The following NRXN2 variants were observed in gnomAD, a reference collection of about 807,000 sequenced individuals.
The protein encoded by NRXN2 is neurexin 2, also known as neurexin-2-beta.
A neutral mutation model predicts 128.8 loss-of-function variants in NRXN2; 29 were observed. The observed-to-expected ratio is 0.23, with a 90% CI of 0.17 to 0.31. The LOEUF (loss-of-function observed/expected upper bound fraction) is 0.31. NRXN2 is among the 10% of genes least tolerant of loss of function. The pLI, the probability that NRXN2 is intolerant of heterozygous loss-of-function variation, is 1.00. For synonymous variants in NRXN2, 1,098 were observed against 1,075.2 expected, an observed-to-expected ratio of 1.02 and a Z score of -0.41; for missense variants, 1,881 against 2,452.6, an observed-to-expected ratio of 0.77 and a Z score of 4.92.
At chr11:64,614,580 C>A (rs879851508) in intron 22 of NRXN2, among the ~76,000 whole-genome samples, 1 of 152,246 alleles carries the variant, frequency 6.6e-6, no homozygotes, top group Non-Finnish European at 1.5e-5. Flanking sequence ...AGAGCAGAAT[C>A]TCTCCCAGGG....
chr11:64,620,662 C>A (rs2042197663), intron 21 of NRXN2, among the ~76,000 whole-genome samples: 1 of 149,806 alleles, frequency 6.7e-6, no homozygotes, highest in Admixed American at 6.7e-5. Context: ...AGAGTGGACG[C>A]CAGACTTTGA....
At chr11:64,619,540 G>A (rs2042010933) in intron 22 of NRXN2, among the ~76,000 whole-genome samples, 1 of 152,044 alleles carries the variant, frequency 6.6e-6, no homozygotes, top group African/African-American at 2.4e-5. Context: ...GTATCAAGCA[G>A]AGGCCTAGAA....
At chr11:64,663,558 C>T (rs1219009009) in intron 9 of NRXN2, among the ~76,000 whole-genome samples, 1 of 152,174 alleles carries the variant, frequency 6.6e-6, no homozygotes, top group Non-Finnish European at 1.5e-5. Flanking sequence ...ATTACCCACA[C>T]CTCTATTTAT....
intron 7 of NRXN2, among the ~76,000 whole-genome samples, chr11:64,674,682 T>C (rs1241409844): frequency 6.6e-6 from 1 of 152,144 alleles, no homozygotes. Context: ...GGTAATAGGA[T>C]CTCCAGTGGG....
chr11:64,658,651 A>G (rs1034201669), intron 11 of NRXN2, among the ~76,000 whole-genome samples: 3 of 152,252 alleles, frequency 2.0e-5, no homozygotes, highest in African/African-American at 7.2e-5. Flanking sequence ...TTACAAGGCA[A>G]TGGGTTCCCC....
intron 1 of NRXN2, among the ~76,000 whole-genome samples, chr11:64,721,297 C>T (rs909718265): frequency 1.3e-5 from 2 of 151,822 alleles, no homozygotes; most frequent in Non-Finnish European, 2.9e-5. Flanking sequence ...ACCAGCCACT[C>T]GCGCACCCAG....
chr11:64,652,440 C>A lies in NRXN2; in HGVS notation c.2417-286G>T, dbSNP rs548415086. Among the ~76,000 whole-genome samples the A allele has an allele frequency of 1.1e-4, 17 of 152,238 alleles. No individual in the cohort carries two copies. In the South Asian group the frequency reaches 3.5e-3, roughly 32 times the overall value. On this transcript the variant is annotated intron_variant, in intron 12 of 22. Transcript: ENST00000265459. Reference sequence around the variant, plus strand: ...TTGTGTGACTTTAGGAGGTGCCATGCACATAGAATATTAAGTGAATGGTGC... The same window carrying A: ...TTGTGTGACTTTAGGAGGTGCCATGAACATAGAATATTAAGTGAATGGTGC...
chr11:64,685,978 A>C (rs991016347), intron 5 of NRXN2, 31 bp from the exon 6 acceptor site: 2 of 1,613,240 alleles, frequency 1.2e-6, no homozygotes. Flanking sequence ...AAACGGGAGA[A>C]GGCTGAATGG....
At chr11:64,702,547 T>C (rs1358325001) in intron 2 of NRXN2, among the ~76,000 whole-genome samples, 1 of 151,948 alleles carries the variant, frequency 6.6e-6, no homozygotes, top group Admixed American at 6.6e-5. Context: ...CACTCAGGGT[T>C]GAATGGATTA....
At chr11:64,697,614 G>A (rs913631990) in intron 3 of NRXN2, among the ~76,000 whole-genome samples, 161 bp downstream of exon 3, 2 of 152,176 alleles carry the variant, frequency 1.3e-5, no homozygotes, top group African/African-American at 4.8e-5. Context: ...GGACGCAAGA[G>A]AGTGGGGCAA....
At chr11:64,647,420 TC>T (rs1287284727) in intron 17 of NRXN2, among the ~76,000 whole-genome samples, 1 of 151,902 alleles carries the variant, frequency 6.6e-6, no homozygotes. Context: ...GAAGGTTGCC[TC>T]CCCGCCATTC....
rs568556785 is a variant in NRXN2, at chr11:64,654,026, G to A, written c.2390-304C>T. Reference sequence around the variant, plus strand: ...GGCCTCTAGTGTCTGAGGGAGACGGGCACCTTGGGAATCCCAGTCGTACAG... The same window carrying A: ...GGCCTCTAGTGTCTGAGGGAGACGGACACCTTGGGAATCCCAGTCGTACAG... On this transcript the variant is annotated intron_variant, in intron 11 of 22. Coordinates refer to ENST00000265459, the MANE Select transcript of NRXN2 (RefSeq NM_015080.4). 1.3e-4 allele frequency among the ~76,000 whole-genome samples: 20 copies of A among 152,312 alleles called. No individual in the cohort carries two copies. The South Asian group carries it at 3.1e-3, about 24-fold the overall frequency.
rs770387441 is a variant in NRXN2, at chr11:64,668,625, GGAGA to G, written c.1198-25_1198-22del. On this transcript the variant is annotated intron_variant, in intron 7 of 22. Transcript: ENST00000265459. Reference sequence around the variant, plus strand: ...GTCACCTGTCCAGCCCAGGAGGGAGGGAGAAAGACAGGAGACAACCAACATCAAA... The same window carrying G: ...GTCACCTGTCCAGCCCAGGAGGGAGGAAGACAGGAGACAACCAACATCAAA... The G allele has an allele frequency of 1.2e-3, 1,966 of 1,612,542 alleles. 3 individuals carry two copies. The highest frequency in any genetic ancestry group is 1.6e-3 in the Non-Finnish European group (1,878 of 1,179,944).
intron 6 of NRXN2, among the ~76,000 whole-genome samples, chr11:64,679,774 C>A (rs768601797): frequency 1.1e-4 from 16 of 152,122 alleles, no homozygotes; most frequent in Non-Finnish European, 2.1e-4. Context: ...CCCTCTAGAC[C>A]TAGGGATTAA....
intron 7 of NRXN2, among the ~76,000 whole-genome samples, chr11:64,672,611 T>A (rs1219497682): frequency 1.3e-5 from 2 of 152,150 alleles, no homozygotes; most frequent in African/African-American, 2.4e-5. Flanking sequence ...GTCATCAAAT[T>A]CTCAAAGGTA....
At chr11:64,679,553 C>T (rs911233240) in intron 6 of NRXN2, among the ~76,000 whole-genome samples, 7 of 152,010 alleles carry the variant, frequency 4.6e-5, no homozygotes, top group Admixed American at 1.3e-4. Context: ...AGGAGAATGG[C>T]GTGAACCCAG....
intron 3 of NRXN2, among the ~76,000 whole-genome samples, chr11:64,696,255 T>C (rs1157559084): frequency 6.7e-6 from 1 of 150,062 alleles, no homozygotes; most frequent in Non-Finnish European, 1.5e-5. Flanking sequence ...GCAGACTCTC[T>C]CTGTGACACA....
chr11:64,645,661 AG>A (rs1486542036), intron 17 of NRXN2, among the ~76,000 whole-genome samples: 1 of 152,116 alleles, frequency 6.6e-6, no homozygotes, highest in Non-Finnish European at 1.5e-5. Flanking sequence ...TAAGCCTTAA[AG>A]GAACACAAAG....
rs769277910 is a variant in NRXN2 at position 64,607,261 on chromosome 11, C to T, written c.5074G>A (p.Ala1692Thr). 1 of 1,613,874 alleles carries T rather than the reference C, an allele frequency of 6.2e-7. No homozygotes were observed. The highest frequency in any genetic ancestry group is 8.5e-7 in the Non-Finnish European group (1 of 1,179,920). Residue 1692 changes from alanine (A) to threonine (T), a missense_variant, in exon 23 of 23, where the codon GCC (alanine) becomes ACC (threonine). Physicochemically the swap from Ala to Thr is moderately conservative, Grantham distance 58. Coordinates refer to ENST00000265459, the MANE Select transcript of NRXN2 (RefSeq NM_015080.4). Reference sequence around the variant, plus strand: ...CTGGGCGTCTTGGGGGCAGCCGGGGCCTTCTCTTTCACCACCGCCCCATTG... The same window carrying T: ...CTGGGCGTCTTGGGGGCAGCCGGGGTCTTCTCTTTCACCACCGCCCCATTG... ...QSNGAVVKEK[A>T]PAAPKTPSKA...
Sources: gnomAD v4.1 joint callset for allele counts (sites outside exome capture counted in the v4.1 genomes callset) on GRCh38, gnomAD v4.1.1 for gene constraint, MANE v1.5 for transcripts, NCBI Gene and HGNC (gene_info 2026-07-23, HGNC 2026-07-21) for gene names.